CADPS: variants seen among roughly 807,000 people sequenced by gnomAD.
CADPS encodes calcium-dependent secretion activator 1.
A neutral mutation model predicts 167.3 loss-of-function variants in CADPS; 57 were observed. The ratio of observed to expected loss-of-function variants is 0.34; its 90% confidence interval spans 0.28 to 0.42. The LOEUF is 0.42. Ranked by LOEUF, CADPS falls within the 20% of genes least tolerant of loss-of-function variation. CADPS has a pLI of 1.00. For synonymous variants in CADPS, 676 were observed against 635.3 expected (o/e 1.06, Z -0.96); for missense variants, 1,414 against 1,738.1 (o/e 0.81, Z 3.32).
chr3:62,475,009 T>A (rs1308925463), intron 23 of CADPS, among the ~76,000 whole-genome samples: 1 of 152,240 alleles, frequency 6.6e-6, no homozygotes, highest in East Asian at 1.9e-4. Context: ...GTCAATGTAT[T>A]ATTTTGCAAT....
intron 5 of CADPS, among the ~76,000 whole-genome samples, chr3:62,646,562 A>G (rs148717012): frequency 2.6e-5 from 4 of 152,226 alleles, no homozygotes; most frequent in African/African-American, 9.6e-5. Flanking sequence ...CTTCACAATA[A>G]GATAAGTAAT....
chr3:62,493,446 C>T (rs1018668287), intron 19 of CADPS, among the ~76,000 whole-genome samples, 199 bp downstream of exon 19: 16 of 152,146 alleles, frequency 1.1e-4, no homozygotes, highest in African/African-American at 2.9e-4. Flanking sequence ...AAACACTTTC[C>T]GGAGCATTCA....
At chr3:62,646,511 C>G (rs1308429477) in intron 5 of CADPS, among the ~76,000 whole-genome samples, 1 of 152,106 alleles carries the variant, frequency 6.6e-6, no homozygotes, top group Non-Finnish European at 1.5e-5. Flanking sequence ...GCTTTTGGTT[C>G]AGCACTTTAA....
At chr3:62,662,592 C>T (rs112379731) in intron 3 of CADPS, among the ~76,000 whole-genome samples, 198 bp from the exon 4 acceptor site, 14,000 of 152,204 alleles carry the variant, frequency 0.092, 652 homozygotes, top group Admixed American at 0.1. Flanking sequence ...TGGTAGGCAG[C>T]TGCTAAGACA....
chr3:62,410,305 A>G (rs2048717061), intron 28 of CADPS, among the ~76,000 whole-genome samples: 2 of 152,226 alleles, frequency 1.3e-5, no homozygotes, highest in Admixed American at 1.3e-4. Context: ...TCTTTTCTAA[A>G]CATGTATTCC....
At chr3:62,859,581 T>C (rs2080374205) in intron 1 of CADPS, among the ~76,000 whole-genome samples, 1 of 152,202 alleles carries the variant, frequency 6.6e-6, no homozygotes, top group African/African-American at 2.4e-5. Context: ...GTCTGTTTAC[T>C]TTGAAGGTCT....
intron 17 of CADPS, among the ~76,000 whole-genome samples, chr3:62,507,725 T>C (rs977631042): frequency 6.6e-6 from 1 of 152,190 alleles, no homozygotes; most frequent in African/African-American, 2.4e-5. Flanking sequence ...TCCCCAGTGA[T>C]TCAGATGGAC....
chr3:62,704,099 G>C (rs1163997763), intron 3 of CADPS, among the ~76,000 whole-genome samples: 2 of 152,100 alleles, frequency 1.3e-5, no homozygotes, highest in Non-Finnish European at 2.9e-5. Context: ...CGTCAAACAA[G>C]GTCTGTGCTT....
chr3:62,823,527 G>T (rs759549391), intron 1 of CADPS, among the ~76,000 whole-genome samples: 1 of 152,142 alleles, frequency 6.6e-6, no homozygotes, highest in Non-Finnish European at 1.5e-5. Context: ...AAGAAAAGTG[G>T]TTGGGGCCAG....
At chr3:62,700,572 C>T (rs1313909716) in intron 3 of CADPS, among the ~76,000 whole-genome samples, 1 of 152,070 alleles carries the variant, frequency 6.6e-6, no homozygotes, top group Non-Finnish European at 1.5e-5. Flanking sequence ...GGGACCTAAT[C>T]TTATGACTCA....
chr3:62,514,265 T>C lies in CADPS; in HGVS notation c.2582-1497A>G, dbSNP rs1048398623. On this transcript the variant is annotated intron_variant, in intron 16 of 29. Coordinates refer to ENST00000383710, the MANE Select transcript of CADPS (RefSeq NM_003716.4). This position sits in a 1 kb window ranked among gnomAD's most constrained non-coding sequence, Gnocchi z 4.2. The stretch of plus-strand genomic sequence containing the variant: ...CAATGTCTCAGCCTATGGTGGACTA[T>C]GTTCATGAAAGAAAACCTGATACAT... 6.6e-6 allele frequency among the ~76,000 whole-genome samples: 1 copy of C among 152,094 alleles called. No homozygotes were observed. Among genetic ancestry groups the C allele is most frequent in the Non-Finnish European group, 1.5e-5 (1 of 67,986 alleles).
chr3:62,651,275 T>C (rs756446976), intron 4 of CADPS, among the ~76,000 whole-genome samples, 195 bp from the exon 5 acceptor site: 5 of 152,204 alleles, frequency 3.3e-5, no homozygotes, highest in Non-Finnish European at 7.3e-5. Context: ...TATTTATACA[T>C]TGTAACAGGT....
intron 6 of CADPS, among the ~76,000 whole-genome samples, chr3:62,610,447 C>T (rs1275673737): frequency 1.3e-5 from 2 of 152,088 alleles, no homozygotes; most frequent in East Asian, 1.9e-4. Flanking sequence ...GACAGGGTTT[C>T]ACCGGGTTGG....
chr3:62,435,713 G>A (rs1338791528), intron 28 of CADPS, among the ~76,000 whole-genome samples: 1 of 151,900 alleles, frequency 6.6e-6, no homozygotes. Flanking sequence ...GTGAGTGATT[G>A]TAATAGTTAA....
intron 3 of CADPS, among the ~76,000 whole-genome samples, chr3:62,731,142 T>G (rs1315850778): frequency 6.6e-6 from 1 of 152,228 alleles, no homozygotes; most frequent in Admixed American, 6.5e-5. Context: ...CTTCCAATTC[T>G]GATGGCCCTG....
intron 21 of CADPS, among the ~76,000 whole-genome samples, 189 bp downstream of exon 21, chr3:62,491,150 A>G (rs1576743939): frequency 6.6e-6 from 1 of 151,534 alleles, no homozygotes; most frequent in African/African-American, 2.4e-5. Context: ...TACCCTACCC[A>G]CCTCCTCCAT....
intron 4 of CADPS, among the ~76,000 whole-genome samples, chr3:62,657,245 A>T (rs138323016): frequency 0.014 from 2,198 of 152,290 alleles, 20 homozygotes; most frequent in Non-Finnish European, 0.021. Flanking sequence ...TGAGCTACTA[A>T]TTGTGCTCTG....
intron 6 of CADPS, among the ~76,000 whole-genome samples, chr3:62,635,142 G>C (rs2066036926): frequency 6.6e-6 from 1 of 152,124 alleles, no homozygotes; most frequent in Non-Finnish European, 1.5e-5. Flanking sequence ...AGGTGAAAAA[G>C]AGAAACATTT....
chr3:62,472,501 G>A (rs1157261809), intron 24 of CADPS, among the ~76,000 whole-genome samples: 2 of 152,286 alleles, frequency 1.3e-5, no homozygotes, highest in Non-Finnish European at 2.9e-5. Context: ...AAGCCTAAGA[G>A]ATTGTTTAAA....
Sources: allele counts gnomAD v4.1 joint callset (sites outside exome capture counted in the v4.1 genomes callset), GRCh38; gene constraint gnomAD v4.1.1; non-coding constraint Gnocchi (gnomAD v3.1); transcripts MANE v1.5; gene names NCBI Gene and HGNC (gene_info 2026-07-23, HGNC 2026-07-21).